RBBP8: variants seen among roughly 807,000 people sequenced by gnomAD.
The protein encoded by RBBP8 is RB binding protein 8, endonuclease.
A neutral mutation model predicts 108.3 loss-of-function variants in RBBP8; 88 were observed. The observed-to-expected ratio is 0.81, with a 90% CI of 0.68 to 0.97. The LOEUF (loss-of-function observed/expected upper bound fraction) is 0.97. Ranked by LOEUF, RBBP8 falls within the 50% of genes least tolerant of loss-of-function variation. RBBP8 has a pLI of 0.00. For synonymous variants in RBBP8, 332 were observed against 348.2 expected (o/e 0.95, Z 0.52); for missense variants, 1,023 against 1,049.0 (o/e 0.98, Z 0.34).
At chr18:22,935,273 A>G (rs1415912395) in intron 1 of RBBP8, among the ~76,000 whole-genome samples, 1 of 149,034 alleles carries the variant, frequency 6.7e-6, no homozygotes, top group African/African-American at 2.5e-5. Context: ...TTCACCCAAC[A>G]TCCATTTTTG....
intron 10 of RBBP8, among the ~76,000 whole-genome samples, chr18:22,991,798 C>T (rs1567982635): frequency 1.3e-5 from 2 of 152,160 alleles, no homozygotes; most frequent in South Asian, 4.1e-4. Flanking sequence ...AGGAGGGCCA[C>T]TGTACCTGTA....
intron 5 of RBBP8, among the ~76,000 whole-genome samples, chr18:22,970,005 A>T (rs1246448872): frequency 6.6e-6 from 1 of 152,232 alleles, no homozygotes; most frequent in Non-Finnish European, 1.5e-5. Flanking sequence ...ACGCATACCA[A>T]AATCCTTGGA....
intron 3 of RBBP8, among the ~76,000 whole-genome samples, chr18:22,949,141 A>G (rs1363062627): frequency 6.6e-6 from 1 of 152,188 alleles, no homozygotes; most frequent in Non-Finnish European, 1.5e-5. Flanking sequence ...GTATCAGGTC[A>G]CACAGCTGGT....
At chr18:22,990,197 A>G (rs943886447) in intron 9 of RBBP8, among the ~76,000 whole-genome samples, 1 of 152,182 alleles carries the variant, frequency 6.6e-6, no homozygotes, top group Non-Finnish European at 1.5e-5. Flanking sequence ...CTGAAATCTA[A>G]TGACTTGCTG....
chr18:22,931,633 G>A (rs1910036652), upstream of RBBP8, among the ~76,000 whole-genome samples: 1 of 152,166 alleles, frequency 6.6e-6, no homozygotes, highest in Non-Finnish European at 1.5e-5. Context: ...ATACTAAGCA[G>A]TTTACATATA....
intron 6 of RBBP8, chr18:22,977,818 T>C (rs1259179974): frequency 3.9e-5 from 6 of 152,186 alleles, no homozygotes; most frequent in African/African-American, 7.2e-5. Context: ...TCTTCTCCTG[T>C]GCTACTTGAC....
intron 3 of RBBP8, among the ~76,000 whole-genome samples, chr18:22,917,981 G>A (rs1408774641): frequency 1.5e-5 from 2 of 133,856 alleles, no homozygotes; most frequent in Admixed American, 8.5e-5. Flanking sequence ...CTGGTCAACT[G>A]AGCAAGACTC....
At chr18:23,022,602 A>AAAAATAAAAT (rs1299225729) in intron 18 of RBBP8, among the ~76,000 whole-genome samples, 1,962 of 92,362 alleles carry the variant, frequency 0.021, 205 homozygotes, top group African/African-American at 0.068. Context: ...ACTCTGTCTC[A>AAAAATAAAAT]AAAATAAAAT....
intron 18 of RBBP8, among the ~76,000 whole-genome samples, chr18:23,022,663 T>TAAAATAAAATAAAAAAAATAA (rs1555650172): frequency 0.031 from 2,959 of 96,636 alleles, 864 homozygotes; most frequent in South Asian, 0.048. Context: ...TAAAATAAAA[T>TAAAATAAAATAAAAAAAATAA]AAAATAAATA....
chr18:22,956,460 C>G (rs947184421), intron 4 of RBBP8, among the ~76,000 whole-genome samples: 2 of 152,128 alleles, frequency 1.3e-5, no homozygotes, highest in African/African-American at 4.8e-5. Flanking sequence ...TCAGCCCCCC[C>G]AGGTAGCTAG....
chr18:23,020,152 A>G (rs1252029890), intron 17 of RBBP8, among the ~76,000 whole-genome samples: 1 of 150,726 alleles, frequency 6.6e-6, no homozygotes, highest in East Asian at 2.0e-4. Context: ...CAGGCACAGT[A>G]GCTCATGCCT....
chr18:22,924,840 G>A (rs1202369074), intron 3 of RBBP8, among the ~76,000 whole-genome samples: 1 of 152,066 alleles, frequency 6.6e-6, no homozygotes, highest in Non-Finnish European at 1.5e-5. Context: ...GTAAGCTAGG[G>A]CATATGATCA....
chr18:22,939,864 T>C (rs993576090), intron 2 of RBBP8, among the ~76,000 whole-genome samples: 2 of 152,176 alleles, frequency 1.3e-5, no homozygotes, highest in Admixed American at 1.3e-4. Flanking sequence ...GCATGGTTTA[T>C]GTCAGACCAG....
chr18:23,016,405 G>A (rs978883652), intron 16 of RBBP8, among the ~76,000 whole-genome samples: 2 of 152,004 alleles, frequency 1.3e-5, no homozygotes, highest in African/African-American at 4.8e-5. Flanking sequence ...TTAGCCAGGC[G>A]TGGTGGTACA....
intron 2 of RBBP8, chr18:22,915,503 T>C (rs1471231083): frequency 2.0e-5 from 3 of 152,176 alleles, no homozygotes; most frequent in African/African-American, 7.2e-5. Flanking sequence ...GCTGAAAAGC[T>C]ATGTAATGTT....
At chr18:22,917,405 C>T (rs894306169) in intron 3 of RBBP8, among the ~76,000 whole-genome samples, 5 of 152,160 alleles carry the variant, frequency 3.3e-5, no homozygotes, top group African/African-American at 1.2e-4. Context: ...TCTGAGTTAG[C>T]TTTTCTCCAT....
chr18:22,923,059 T>C (rs183142833), intron 3 of RBBP8, among the ~76,000 whole-genome samples: 6 of 152,324 alleles, frequency 3.9e-5, no homozygotes, highest in South Asian at 2.1e-4. Context: ...ACTTTAGCCA[T>C]TGAAGAGATC....
rs10655759 is a variant in RBBP8 at position 23,023,869 on chromosome 18, C to CTTTTTTT, written c.2596+1614_2596+1620dup. On this transcript the variant is annotated intron_variant, in intron 18 of 18. Transcript: ENST00000327155. ...TAATAGCTAGTTTTTATGAAGGGGC[C>CTTTTTTT]TTTTTTTTTTTTTTTTTTTTTGAGA... is the stretch of plus-strand genomic sequence containing the variant. Among the ~76,000 whole-genome samples the CTTTTTTT allele has an allele frequency of 3.7e-4, 32 of 86,108 alleles. 3 individuals are homozygous for CTTTTTTT. The highest frequency in any genetic ancestry group is 5.6e-4 in the African/African-American group (12 of 21,534). The allele number at this position is 86,108 out of a possible 152,430, so 56.5% of individuals were successfully genotyped here.
At chr18:22,928,411 C>T (rs75936067), upstream of RBBP8, among the ~76,000 whole-genome samples, 285 of 152,126 alleles carry the variant, frequency 1.9e-3, 5 homozygotes, top group East Asian at 0.043. Flanking sequence ...TTAGGTTAGT[C>T]GCCTGAAAGA....
Sources: gnomAD v4.1 joint callset for allele counts (sites outside exome capture counted in the v4.1 genomes callset) on GRCh38, gnomAD v4.1.1 for gene constraint, MANE v1.5 for transcripts, NCBI Gene and HGNC (gene_info 2026-07-23, HGNC 2026-07-21) for gene names.